The following DLGAP2 variants were observed in gnomAD, a reference collection of about 807,000 sequenced individuals.
DLGAP2 encodes DLG associated protein 2.
In DLGAP2, 26 loss-of-function variants were observed where a neutral mutation model predicts 100.3. The ratio of observed to expected loss-of-function variants is 0.26; its 90% confidence interval spans 0.19 to 0.36. The LOEUF (loss-of-function observed/expected upper bound fraction) is 0.36. Ranked by LOEUF, DLGAP2 falls within the 10% of genes least tolerant of loss-of-function variation. The pLI is 1.00. For missense variants in DLGAP2, 1,858 were observed against 1,453.2 expected, an observed-to-expected ratio of 1.28 and a Z score of -4.53; for synonymous variants, 886 against 630.1, an observed-to-expected ratio of 1.41 and a Z score of -6.08.
At chr8:811,973 G>T (rs1796378954) in intron 1 of DLGAP2, among the ~76,000 whole-genome samples, 1 of 152,248 alleles carries the variant, frequency 6.6e-6, no homozygotes, top group African/African-American at 2.4e-5. Flanking sequence ...GACATGATTG[G>T]CACTGGCCGG....
At chr8:1,219,918 C>G (rs1414659665) in intron 2 of DLGAP2, among the ~76,000 whole-genome samples, 1 of 151,638 alleles carries the variant, frequency 6.6e-6, no homozygotes, top group Non-Finnish European at 1.5e-5. Context: ...TAGTAATAGT[C>G]TCTGGGAGCT....
chr8:1,159,537 A>G (rs1796851220), intron 2 of DLGAP2, among the ~76,000 whole-genome samples: 1 of 151,622 alleles, frequency 6.6e-6, no homozygotes, highest in Admixed American at 6.6e-5. Context: ...TAGAGTTTTT[A>G]CTAAGATGTG....
At chr8:1,416,940 G>C (rs368144312) in intron 3 of DLGAP2, among the ~76,000 whole-genome samples, 3 of 152,174 alleles carry the variant, frequency 2.0e-5, no homozygotes, top group African/African-American at 7.2e-5. Context: ...AAACAGATTT[G>C]CTTCGTGAGG....
intron 8 of DLGAP2, among the ~76,000 whole-genome samples, chr8:1,662,927 CGTAGTGTGGGGTGTGTGTGTGTACACAT>C (rs1798445895): frequency 8.0e-6 from 1 of 124,462 alleles, no homozygotes; most frequent in Admixed American, 8.7e-5. Flanking sequence ...TGTGTGTACA[CGTAGTGTGGGGTGTGTGTGTGTACACAT>C]GTGTGAGTGT....
At chr8:1,003,250 A>T (rs924086899) in intron 2 of DLGAP2, 2 of 152,238 alleles carry the variant, frequency 1.3e-5, no homozygotes, top group African/African-American at 4.8e-5. Context: ...AACCGAATGC[A>T]CTGCCCTCTT....
intron 2 of DLGAP2, among the ~76,000 whole-genome samples, chr8:1,011,821 A>G (rs1801299004): frequency 6.6e-6 from 1 of 152,170 alleles, no homozygotes. Flanking sequence ...CAGTCTGCAC[A>G]GTGGGCCCTG....
chr8:1,128,275 C>T (rs1489348903), intron 2 of DLGAP2, among the ~76,000 whole-genome samples: 1 of 150,278 alleles, frequency 6.7e-6, no homozygotes, highest in Non-Finnish European at 1.5e-5. Flanking sequence ...GACCTGCTCC[C>T]GGTGTTGTGT....
chr8:1,370,156 C>A (rs1184578837), intron 3 of DLGAP2, among the ~76,000 whole-genome samples: 2 of 152,134 alleles, frequency 1.3e-5, no homozygotes, highest in Non-Finnish European at 2.9e-5. Context: ...GAATTGAGCC[C>A]TAGTCTTTCC....
chr8:1,519,148 A>G (rs1800501471), intron 4 of DLGAP2, among the ~76,000 whole-genome samples: 1 of 152,214 alleles, frequency 6.6e-6, no homozygotes, highest in South Asian at 2.1e-4. Flanking sequence ...GAAGGGAAGA[A>G]TATTTCAGCT....
At chr8:760,040 G>T (rs74716135) in intron 1 of DLGAP2, among the ~76,000 whole-genome samples, 5,137 of 152,238 alleles carry the variant, frequency 0.034, 120 homozygotes, top group Admixed American at 0.05. Flanking sequence ...TGTATAAGCC[G>T]AACATTGCAA....
chr8:1,241,261 G>T (rs527278478), intron 2 of DLGAP2, among the ~76,000 whole-genome samples: 1 of 132,150 alleles, frequency 7.6e-6, no homozygotes, highest in South Asian at 2.2e-4. Context: ...ACCATGTCTA[G>T]TTCTCTCACA....
chr8:894,580 G>A (rs895144596), intron 1 of DLGAP2, among the ~76,000 whole-genome samples: 1 of 145,808 alleles, frequency 6.9e-6, no homozygotes, highest in Non-Finnish European at 1.5e-5. Flanking sequence ...GCAAATGTAT[G>A]GAGGCGGAGC....
At chr8:1,244,075 G>T (rs1222101006) in intron 2 of DLGAP2, among the ~76,000 whole-genome samples, 1 of 152,130 alleles carries the variant, frequency 6.6e-6, no homozygotes, top group African/African-American at 2.4e-5. Context: ...GGGATGGTGG[G>T]TGTCAGCTCT....
intron 3 of DLGAP2, among the ~76,000 whole-genome samples, chr8:1,296,626 G>T (rs191422959): frequency 1.5e-4 from 23 of 152,302 alleles, no homozygotes; most frequent in Non-Finnish European, 5.9e-5. Context: ...CATGATCTGT[G>T]CAAAGTCTTA....
intron 2 of DLGAP2, among the ~76,000 whole-genome samples, chr8:1,147,204 G>C (rs924454135): frequency 6.6e-6 from 1 of 152,120 alleles, no homozygotes; most frequent in Non-Finnish European, 1.5e-5. Context: ...ATCTTCCTTA[G>C]ATTTATCATA....
chr8:1,443,629 G>C (rs1395167363), intron 3 of DLGAP2, among the ~76,000 whole-genome samples: 1 of 152,216 alleles, frequency 6.6e-6, no homozygotes, highest in Non-Finnish European at 1.5e-5. Flanking sequence ...ATGGCAGAAG[G>C]TGAATGAGCA....
intron 2 of DLGAP2, among the ~76,000 whole-genome samples, chr8:1,108,843 TGGGTCTGTGAGGTGTGCAC>T (rs1804863414): frequency 8.0e-6 from 1 of 125,314 alleles, no homozygotes; most frequent in African/African-American, 3.1e-5. Flanking sequence ...TGAAGTGTGC[TGGGTCTGTGAGGTGTGCAC>T]GGGTCTGTGA....
chr8:1,353,885 G>GAGGGGAAAAAAATCAGCGA (rs1391690231), intron 3 of DLGAP2, among the ~76,000 whole-genome samples: 23 of 152,274 alleles, frequency 1.5e-4, no homozygotes, highest in African/African-American at 5.1e-4. Context: ...AATATCCCTA[G>GAGGGGAAAAAAATCAGCGA]AGGGGAAAAA....
chr8:1,437,084 G>T (rs541037238), intron 3 of DLGAP2, among the ~76,000 whole-genome samples: 1 of 150,982 alleles, frequency 6.6e-6, no homozygotes, highest in Admixed American at 6.6e-5. Context: ...GCCCAGGCGC[G>T]TAGGGGTGAC....
Sources: gnomAD v4.1 joint callset for allele counts (sites outside exome capture counted in the v4.1 genomes callset) on GRCh38, gnomAD v4.1.1 for gene constraint, MANE v1.5 for transcripts, NCBI Gene and HGNC (gene_info 2026-07-23, HGNC 2026-07-21) for gene names.